The following RYR2 variants were observed in gnomAD, a reference collection of about 807,000 sequenced individuals.
RYR2 encodes ryanodine receptor 2, also known as cardiac muscle ryanodine receptor-calcium release channel.
A neutral mutation model predicts 601.1 loss-of-function variants in RYR2; 227 were observed. The observed-to-expected ratio is 0.38, with a 90% confidence interval of 0.34 to 0.42. The LOEUF (loss-of-function observed/expected upper bound fraction) is 0.42. Ranked by LOEUF, RYR2 falls within the 10% of genes least tolerant of loss-of-function variation. The pLI, the probability that RYR2 is intolerant of heterozygous loss-of-function variation, is 1.00. For missense variants in RYR2, 4,646 were observed against 6,156.5 expected, an observed-to-expected ratio of 0.75 and a Z score of 8.21; for synonymous variants, 2,223 against 2,175.1, an observed-to-expected ratio of 1.02 and a Z score of -0.61.
At chr1:237,187,897 A>G (rs561323879) in intron 1 of RYR2, among the ~76,000 whole-genome samples, 103 of 152,228 alleles carry the variant, frequency 6.8e-4, no homozygotes, top group African/African-American at 2.4e-3. Flanking sequence ...TTAGGTTACA[A>G]TTTGCTTTTT....
intron 76 of RYR2, among the ~76,000 whole-genome samples, chr1:237,729,906 T>C (rs1267681741): frequency 6.6e-6 from 1 of 152,204 alleles, no homozygotes; most frequent in Non-Finnish European, 1.5e-5. Flanking sequence ...AGTCATTTAA[T>C]GAACATCTAA....
intron 1 of RYR2, among the ~76,000 whole-genome samples, chr1:237,080,765 C>T (rs1665518481): frequency 1.1e-5 from 1 of 89,794 alleles, no homozygotes; most frequent in Non-Finnish European, 2.3e-5. Flanking sequence ...TTTGACCCAG[C>T]CATCCCATTA....
chr1:237,216,693 A>G (rs898632827), intron 1 of RYR2, among the ~76,000 whole-genome samples: 9 of 151,474 alleles, frequency 5.9e-5, no homozygotes, highest in Admixed American at 3.3e-4. Context: ...GCGAGATCGT[A>G]CTATTGCACT....
chr1:237,095,395 G>C (rs748515884), intron 1 of RYR2, among the ~76,000 whole-genome samples: 1 of 152,190 alleles, frequency 6.6e-6, no homozygotes, highest in Non-Finnish European at 1.5e-5. Context: ...CAATCTGGAA[G>C]TTACAGAACA....
rs934935517 is a variant in RYR2 at position 237,164,038 on chromosome 1, C to T, written c.49-106459C>T. Reference sequence around the variant, plus strand: ...CAGTGGCTTACACCTGTAATCCCAGCACTTTGGGAGGCTGAGGCAGGTGGA... The same window carrying T: ...CAGTGGCTTACACCTGTAATCCCAGTACTTTGGGAGGCTGAGGCAGGTGGA... On this transcript the variant is annotated intron_variant, in intron 1 of 104. Transcript: ENST00000366574. 6.9e-4 allele frequency among the ~76,000 whole-genome samples: 105 copies of T among 152,204 alleles called. 1 individual carries two copies. The highest frequency in any genetic ancestry group is 1.2e-4 in the Non-Finnish European group (8 of 68,036).
chr1:237,627,734 A>G (rs1398265961), intron 40 of RYR2, 73 bp from the exon 41 acceptor site: 17 of 1,425,314 alleles, frequency 1.2e-5, no homozygotes, highest in Middle Eastern at 2.0e-4. Context: ...GGTACAGGAT[A>G]TGGACTTGAA....
chr1:237,121,301 A>C (rs1169779630), intron 1 of RYR2, among the ~76,000 whole-genome samples: 2 of 152,158 alleles, frequency 1.3e-5, no homozygotes, highest in Non-Finnish European at 2.9e-5. Context: ...GAAAGGAAGA[A>C]AGCAAGTGTT....
chr1:237,572,508 A>G (rs1672806824), intron 29 of RYR2, among the ~76,000 whole-genome samples: 1 of 152,188 alleles, frequency 6.6e-6, no homozygotes, highest in African/African-American at 2.4e-5. Flanking sequence ...ACCGTGGCAC[A>G]TGGTTTTGAA....
rs746576215 is a variant in RYR2, at chr1:237,627,860, G to T, written c.6220G>T (p.Val2074Phe). 1 of 1,613,564 alleles carries T rather than the reference G, an allele frequency of 6.2e-7. No individual in the cohort carries two copies. The highest frequency in any genetic ancestry group is 1.1e-5 in the South Asian group (1 of 90,992). Residue 2074 changes from valine to phenylalanine, a missense_variant, in exon 41 of 105, where the codon GTC becomes TTC. This residue lies in a region of RYR2 where 170 missense variants were observed against 184.5 expected (regional missense o/e 0.92). Coordinates refer to ENST00000366574, the MANE Select transcript of RYR2 (RefSeq NM_001035.3). ...ETMVRWAQES[V>F]IEDPELVRAM... ...CATGGTCCGATGGGCTCAGGAGTCT[G>T]TCATTGAAGACCCCGAGCTGGTGAG...
chr1:237,688,601 A>T (rs755177050), intron 63 of RYR2, among the ~76,000 whole-genome samples: 36 of 152,164 alleles, frequency 2.4e-4, no homozygotes, highest in Non-Finnish European at 5.0e-4. Flanking sequence ...GAGTTTTTAC[A>T]TTAATATTTC....
At chr1:237,242,474 T>C (rs1182792730) in intron 1 of RYR2, among the ~76,000 whole-genome samples, 1 of 152,114 alleles carries the variant, frequency 6.6e-6, no homozygotes. Flanking sequence ...AGCAGAAAGA[T>C]GATTTTTTAA....
chr1:237,719,269 A>G (rs1689512703), intron 73 of RYR2, among the ~76,000 whole-genome samples: 1 of 152,106 alleles, frequency 6.6e-6, no homozygotes, highest in South Asian at 2.1e-4. Context: ...AAAACACAAA[A>G]TTTACATGGA....
intron 10 of RYR2, among the ~76,000 whole-genome samples, chr1:237,410,339 A>G (rs1438464904): frequency 6.6e-6 from 1 of 152,218 alleles, no homozygotes; most frequent in Non-Finnish European, 1.5e-5. Context: ...TGTAGATATG[A>G]ATTCTAGATT....
intron 16 of RYR2, among the ~76,000 whole-genome samples, chr1:237,460,262 A>C (rs976632070): frequency 4.6e-5 from 7 of 151,976 alleles, no homozygotes; most frequent in African/African-American, 9.7e-5. Context: ...TAAAATCCCC[A>C]AATACAACGC....
At chr1:237,267,260 T>A (rs1190218116) in intron 1 of RYR2, among the ~76,000 whole-genome samples, 1 of 152,224 alleles carries the variant, frequency 6.6e-6, no homozygotes, top group Non-Finnish European at 1.5e-5. Flanking sequence ...GGCCCACGCC[T>A]GTAATCCTGG....
At chr1:237,593,449 C>T (rs1242175045) in intron 32 of RYR2, 27 bp from the exon 33 acceptor site, 2 of 1,568,172 alleles carry the variant, frequency 1.3e-6, no homozygotes, top group South Asian at 2.4e-5. Context: ...TTTACTTTGC[C>T]AATATTTGGT....
intron 2 of RYR2, among the ~76,000 whole-genome samples, chr1:237,288,860 G>T (rs947161150): frequency 1.3e-5 from 2 of 152,104 alleles, no homozygotes; most frequent in African/African-American, 2.4e-5. Context: ...TGTTACAAAG[G>T]CCAGCTAGAG....
intron 60 of RYR2, among the ~76,000 whole-genome samples, chr1:237,677,794 A>G (rs1468191912): frequency 6.6e-6 from 1 of 152,162 alleles, no homozygotes; most frequent in Non-Finnish European, 1.5e-5. Context: ...TCTCAAAGCT[A>G]CACAAATGTG....
intron 17 of RYR2, among the ~76,000 whole-genome samples, chr1:237,475,483 G>A (rs975712213): frequency 2.6e-5 from 4 of 152,054 alleles, no homozygotes; most frequent in African/African-American, 9.7e-5. Flanking sequence ...TAAATACCAT[G>A]GTGAGAAATG....
Sources: gnomAD v4.1 joint callset for allele counts (sites outside exome capture counted in the v4.1 genomes callset) on GRCh38, gnomAD v4.1.1 for gene constraint, gnomAD v4.1.1 regional missense constraint, MANE v1.5 for transcripts, NCBI Gene and HGNC (gene_info 2026-07-23, HGNC 2026-07-21) for gene names.